Variants in COX7A2L observed in about 807,000 individuals in gnomAD.
The protein encoded by COX7A2L is cytochrome c oxidase subunit 7A2 like.
A neutral mutation model predicts 14.2 loss-of-function variants in COX7A2L; 18 were observed. That is an observed-to-expected ratio of 1.27 (90% CI 0.88 to 1.88). COX7A2L has a LOEUF of 1.88. Ranked by LOEUF, COX7A2L falls within the 40% of genes most tolerant of loss-of-function variation. The probability of loss-of-function intolerance (pLI) is 0.00; values close to 1 mark genes in which losing one functional copy is unlikely to be tolerated. For missense variants in COX7A2L, 179 were observed against 138.8 expected (o/e 1.29, Z -1.46); for synonymous variants, 65 against 57.4 (o/e 1.13, Z -0.60).
In COX7A2L at chr2:42,351,320, G is replaced by A; in HGVS notation, c.244C>T (p.Pro82Ser). Residue 82 changes from proline (P) to serine (S), a missense_variant, in exon 3 of 3, where the codon CCT (proline) becomes TCT (serine). By Grantham distance (74) the Pro-to-Ser change is moderately conservative. Coordinates refer to ENST00000234301, the MANE Select transcript of COX7A2L (RefSeq NM_004718.4). Reference sequence around the variant, plus strand: ...GTGGTCCGGTAAAGCATTTGGTCAGGCAGGCCTCGTTTCAGGTAGACGGGC... The same window carrying A: ...GTGGTCCGGTAAAGCATTTGGTCAGACAGGCCTCGTTTCAGGTAGACGGGC... ...GVPVYLKRGL[P>S]DQMLYRTTMA... The A allele has an allele frequency of 6.2e-7, 1 of 1,614,118 alleles. No homozygotes were observed. The highest frequency in any genetic ancestry group is 8.5e-7 in the Non-Finnish European group (1 of 1,180,018).
At chr2:42,361,001 G>C (rs747084929) in intron 1 of COX7A2L, 89 bp downstream of exon 1, 6 of 1,406,894 alleles carry the variant, frequency 4.3e-6, no homozygotes, top group Middle Eastern at 1.8e-4. Context: ...GCGGGCAGAA[G>C]CCTCCCCTGG....
At chr2:42,348,777 G>A (rs1670546864), downstream of COX7A2L, among the ~76,000 whole-genome samples, 1 of 152,112 alleles carries the variant, frequency 6.6e-6, no homozygotes, top group South Asian at 2.1e-4. Context: ...AATTAGCTGG[G>A]CATGGTGGTG....
upstream of COX7A2L, among the ~76,000 whole-genome samples, chr2:42,364,120 G>A (rs1341987599): frequency 2.0e-5 from 3 of 151,968 alleles, no homozygotes; most frequent in East Asian, 3.9e-4. Context: ...GCGTGGTAGC[G>A]GGCGCCTGTA....
chr2:42,360,055 G>A (rs184285514), intron 1 of COX7A2L: 1 of 152,258 alleles, frequency 6.6e-6, no homozygotes, highest in East Asian at 1.9e-4. Flanking sequence ...CTGCCTCTTG[G>A]GCAAGCTGCA....
upstream of COX7A2L, chr2:42,361,230 C>A: frequency 2.1e-6 from 3 of 1,444,630 alleles, no homozygotes; most frequent in Non-Finnish European, 1.9e-6. Context: ...CCCGCCTCCC[C>A]GGCTGTGGTC....
intron 2 of COX7A2L, 130 bp downstream of exon 2, chr2:42,353,082 A>G: frequency 4.4e-6 from 5 of 1,141,798 alleles, no homozygotes; most frequent in Non-Finnish European, 6.2e-6. Context: ...TCAAACTAAA[A>G]TCAAGAGAAT....
At chr2:42,359,744 T>C (rs1433295988) in intron 1 of COX7A2L, 3 of 151,474 alleles carry the variant, frequency 2.0e-5, no homozygotes, top group African/African-American at 7.3e-5. Flanking sequence ...AACTCCATAT[T>C]CAAAAATCTA....
chr2:42,344,246 T>G (rs546315238), intron 2 of COX7A2L, among the ~76,000 whole-genome samples: 3 of 152,358 alleles, frequency 2.0e-5, no homozygotes, highest in African/African-American at 7.2e-5. Flanking sequence ...TCCACTGCAG[T>G]TGGACACCCA....
At chr2:42,360,769 C>G (rs1210039853) in intron 1 of COX7A2L, among the ~76,000 whole-genome samples, 1 of 152,070 alleles carries the variant, frequency 6.6e-6, no homozygotes, top group Admixed American at 6.5e-5. Context: ...GGGAGAAGGC[C>G]GGACCTCTGA....
rs577940201 is a variant in COX7A2L, at chr2:42,342,253, G to C, written c.193-8384C>G. ...CTGAAGGGGGCCCTGGACCAGCAGA[G>C]CCTGCCTCTTCCACCCTAGCCTAGC... On this transcript the variant is annotated intron_variant, in intron 2 of 2. Coordinates refer to the COX7A2L transcript ENST00000468711. The surrounding 1 kb of genome is among the most constrained non-coding windows in gnomAD (Gnocchi z 4.9). 6.6e-6 allele frequency among the ~76,000 whole-genome samples: 1 copy of C among 152,160 alleles called. No homozygotes were observed. Among genetic ancestry groups the C allele is most frequent in the African/African-American group, 2.4e-5 (1 of 41,496 alleles).
At chr2:42,348,940 A>G (rs1212831226), downstream of COX7A2L, among the ~76,000 whole-genome samples, 1 of 152,198 alleles carries the variant, frequency 6.6e-6, no homozygotes, top group African/African-American at 2.4e-5. Context: ...AAGTGACAAC[A>G]ACTAAATGCA....
downstream of COX7A2L, among the ~76,000 whole-genome samples, chr2:42,345,360 G>A (rs187465041): frequency 6.6e-6 from 1 of 152,096 alleles, no homozygotes; most frequent in Non-Finnish European, 1.5e-5. Flanking sequence ...TCCAGCCTGG[G>A]TGACAAAAGC....
rs1670617238 is a variant in COX7A2L, at chr2:42,350,885, A to C, written c.*334T>G. The C allele has an allele frequency of 5.8e-6, 1 of 173,742 alleles. No homozygotes were observed. The highest frequency in any genetic ancestry group is 1.2e-5 in the Non-Finnish European group (1 of 82,916). 10.8% of individuals were successfully genotyped at this position (173,742 alleles called of 1,614,324 possible). A position where few individuals can be genotyped will look rare whatever the true frequency, so the allele number is the denominator to read the frequency against. On this transcript the variant is annotated 3_prime_UTR_variant, in exon 3 of 3. Coordinates refer to ENST00000234301, the MANE Select transcript of COX7A2L (RefSeq NM_004718.4). The stretch of plus-strand genomic sequence containing the variant: ...AAATCCAGAAAGGCTCCTGCACCCC[A>C]TGCTCAAAAATGCAACCTCAAGTCC...
chr2:42,340,039 G>A (rs936588918), intron 2 of COX7A2L, among the ~76,000 whole-genome samples: 2 of 151,998 alleles, frequency 1.3e-5, no homozygotes, highest in Admixed American at 6.5e-5. Flanking sequence ...CTGTATATTC[G>A]GTCTCGAGTT....
chr2:42,364,026 G>T (rs1671110066), upstream of COX7A2L, among the ~76,000 whole-genome samples: 1 of 152,132 alleles, frequency 6.6e-6, no homozygotes, highest in Non-Finnish European at 1.5e-5. Context: ...AACCAACTGT[G>T]AAATAGTTGT....
chr2:42,364,107 C>T (rs1489516584), upstream of COX7A2L, among the ~76,000 whole-genome samples: 1 of 151,886 alleles, frequency 6.6e-6, no homozygotes, highest in African/African-American at 2.4e-5. Flanking sequence ...AAAAATTAGC[C>T]GGGCGTGGTA....
At chr2:42,359,869 CCTT>C (rs1670963094) in intron 1 of COX7A2L, 1 of 151,908 alleles carries the variant, frequency 6.6e-6, no homozygotes, top group African/African-American at 2.4e-5. Flanking sequence ...AAAAACTTGC[CCTT>C]CTTATCTGAG....
Position 42,350,080 on chromosome 2 carries a change from A to C in COX7A2L, c.*1139T>G, listed in dbSNP as rs75853605. 6.6e-6 allele frequency: 1 copy of C among 151,512 alleles called. No individual in the cohort carries two copies. The allele number at this position is 151,512 out of a possible 1,614,324, so 9.4% of individuals were successfully genotyped here. ...GATTTGCAGAGAGAGAGAGAGAGAG[A>C]TATCACTGCAAGGCTACTATTGAGT... On this transcript the variant is annotated 3_prime_UTR_variant, in exon 3 of 3. Coordinates refer to ENST00000234301, the MANE Select transcript of COX7A2L (RefSeq NM_004718.4).
At chr2:42,359,891 C>T (rs1279654451) in intron 1 of COX7A2L, 1 of 150,536 alleles carries the variant, frequency 6.6e-6, no homozygotes, top group African/African-American at 2.4e-5. Context: ...AGATTAGAAT[C>T]ATCTGTTTTT....
Sources: allele counts gnomAD v4.1 joint callset (sites outside exome capture counted in the v4.1 genomes callset), GRCh38; gene constraint gnomAD v4.1.1; non-coding constraint Gnocchi (gnomAD v3.1); transcripts MANE v1.5; gene names NCBI Gene and HGNC (gene_info 2026-07-23, HGNC 2026-07-21).